Variants in PLCZ1 observed in about 807,000 individuals in gnomAD.
PLCZ1 encodes the protein 1-phosphatidylinositol 4,5-bisphosphate phosphodiesterase zeta-1.
PLCZ1 carries 64 observed loss-of-function variants against 76.8 expected under a neutral mutation model. The ratio of observed to expected loss-of-function variants is 0.83; its 90% confidence interval spans 0.68 to 1.03. The LOEUF (loss-of-function observed/expected upper bound fraction) is 1.03, where lower values mean the gene tolerates loss of function less well. Among genes scored for constraint, PLCZ1 ranks in the 50% least tolerant of loss-of-function variants. PLCZ1 has a pLI of 0.00. For synonymous variants in PLCZ1, 248 were observed against 230.8 expected (o/e 1.07, Z -0.68); for missense variants, 751 against 713.7 (o/e 1.05, Z -0.60).
intron 6 of PLCZ1, among the ~76,000 whole-genome samples, chr12:18,707,482 T>A (rs1592163068): frequency 6.6e-6 from 1 of 152,154 alleles, no homozygotes; most frequent in African/African-American, 2.4e-5. Context: ...CTGGCCACAT[T>A]GAAAGTGGAT....
At chr12:18,717,290 C>T (rs1958097623) in intron 5 of PLCZ1, among the ~76,000 whole-genome samples, 1 of 151,722 alleles carries the variant, frequency 6.6e-6, no homozygotes, top group Non-Finnish European at 1.5e-5. Flanking sequence ...GAAATTATAG[C>T]TATAAATTGG....
the PLCZ1 span, among the ~76,000 whole-genome samples, chr12:18,666,644 T>C: frequency 6.6e-6 from 1 of 152,106 alleles, no homozygotes; most frequent in Non-Finnish European, 1.5e-5. Context: ...CAACTTTCAA[T>C]AGGAAAAAGT....
chr12:18,671,143 C>T, the PLCZ1 span, among the ~76,000 whole-genome samples: 9 of 147,128 alleles, frequency 6.1e-5, no homozygotes, highest in East Asian at 1.8e-3. Context: ...GAGCCGAAAT[C>T]AGGCCATTGC....
At chr12:18,728,763 C>T (rs532003799) in intron 3 of PLCZ1, among the ~76,000 whole-genome samples, 4 of 152,144 alleles carry the variant, frequency 2.6e-5, no homozygotes, top group Middle Eastern at 3.4e-3. Flanking sequence ...GATCATTGAA[C>T]GAGTGGAGAA....
Position 18,683,392 on chromosome 12 carries a change from T to C in PLCZ1, c.1742-68A>G, listed in dbSNP as rs548724461. 19 of 1,536,312 alleles carry C rather than the reference T, an allele frequency of 1.2e-5. No homozygotes were observed. In the South Asian group the frequency reaches 2.1e-4, roughly 17 times the overall value. Reference sequence around the variant, plus strand: ...TCAGTGGTGTCTCCAATAGCCTTGCTGAGAAACAAGAGCTCTTTACTAAGC... The same window carrying C: ...TCAGTGGTGTCTCCAATAGCCTTGCCGAGAAACAAGAGCTCTTTACTAAGC... On this transcript the variant is annotated intron_variant, in intron 14 of 14. Transcript: ENST00000266505.
chr12:18,719,664 A>G, intron 4 of PLCZ1, 32 bp from the exon 5 acceptor site: 2 of 1,460,558 alleles, frequency 1.4e-6, no homozygotes, highest in Non-Finnish European at 1.9e-6. Flanking sequence ...AGTTAAAAGG[A>G]TGCAAAAATA....
chr12:18,665,166 A>T, the PLCZ1 span, among the ~76,000 whole-genome samples: 15,860 of 150,074 alleles, frequency 0.11, 1,055 homozygotes, highest in African/African-American at 0.19. Context: ...ATAATAATAA[A>T]AAATAAAAAA....
the PLCZ1 span, among the ~76,000 whole-genome samples, chr12:18,667,604 T>C: frequency 6.6e-6 from 1 of 152,194 alleles, no homozygotes; most frequent in Non-Finnish European, 1.5e-5. Context: ...GTCACCAATT[T>C]TCTGTAGTAG....
At chr12:18,690,449 T>C (rs1286187593) in intron 12 of PLCZ1, among the ~76,000 whole-genome samples, 2 of 152,232 alleles carry the variant, frequency 1.3e-5, no homozygotes, top group Admixed American at 1.3e-4. Flanking sequence ...GGTCTTGAAC[T>C]CTTGACCTCA....
At position 18,736,261 on chromosome 12, in the gene PLCZ1, T is replaced by C. The variant is rs1278380911; in HGVS notation, c.95A>G (p.Asp32Gly). The stretch of plus-strand genomic sequence containing the variant: ...CACATGAATATAACTGCACCGAATA[T>C]CTAATTTTTCAAGTAACCTCTGAGT... ...EKTQRLLEKL[D>G]IRCSYIHVKQ... The change falls in exon 3 of 15, where the codon GAT becomes GGT. Residue 32 changes from aspartate to glycine, a missense_variant. Transcript: ENST00000266505. The C allele has an allele frequency of 2.5e-6, 4 of 1,612,894 alleles. No individual in the cohort carries two copies. The highest frequency in any genetic ancestry group is 3.4e-6 in the Non-Finnish European group (4 of 1,179,276).
intron 3 of PLCZ1, among the ~76,000 whole-genome samples, chr12:18,725,137 A>G (rs957621514): frequency 2.0e-5 from 3 of 152,186 alleles, no homozygotes; most frequent in Non-Finnish European, 2.9e-5. Context: ...AATTACAGAA[A>G]AATGAAAACC....
In PLCZ1 at chr12:18,701,766, A is replaced by T; in HGVS notation, c.875T>A (p.Phe292Tyr). 1 of 1,602,178 alleles carries T rather than the reference A, an allele frequency of 6.2e-7. No homozygotes were observed. The highest frequency in any genetic ancestry group is 1.1e-5 in the South Asian group (1 of 89,360). The part of the protein sequence containing the change: ...DTLPSPEALK[F>Y]KILVKNKKIG... ...TTTCTTATTTTTAACTAATATTTTGAATTTTAGTGCCTAAGGAAACAATTT... is the reference window on the plus strand; with the variant it reads ...TTTCTTATTTTTAACTAATATTTTGTATTTTAGTGCCTAAGGAAACAATTT... The change falls in exon 8 of 15, where the codon TTC becomes TAC. Residue 292 changes from phenylalanine (F) to tyrosine (Y), a missense_variant. Coordinates refer to ENST00000266505, the MANE Select transcript of PLCZ1 (RefSeq NM_033123.4).
chr12:18,691,166 G>A, intron 12 of PLCZ1, among the ~76,000 whole-genome samples: 1 of 152,236 alleles, frequency 6.6e-6, no homozygotes, highest in Admixed American at 6.5e-5. Flanking sequence ...TTTAACGTTG[G>A]TCTGGATGTG....
At chr12:18,696,382 T>C (rs1368653604) in intron 10 of PLCZ1, 116 bp from the exon 11 acceptor site, 3 of 234,148 alleles carry the variant, frequency 1.3e-5, no homozygotes, top group African/African-American at 8.0e-5. Context: ...TCAACAATTT[T>C]GATATGTATT....
intron 12 of PLCZ1, among the ~76,000 whole-genome samples, chr12:18,691,415 A>G (rs1326835283): frequency 6.6e-6 from 1 of 152,162 alleles, no homozygotes; most frequent in Non-Finnish European, 1.5e-5. Context: ...AGACTTGAGC[A>G]TTGTTGGTGG....
chr12:18,716,872 C>T (rs183618228), intron 5 of PLCZ1, among the ~76,000 whole-genome samples: 1 of 152,154 alleles, frequency 6.6e-6, no homozygotes, highest in Admixed American at 6.5e-5. Context: ...TCTTTTGGTA[C>T]ATTAAGATAT....
At chr12:18,710,865 A>C (rs554035124) in intron 6 of PLCZ1, among the ~76,000 whole-genome samples, 51 of 152,316 alleles carry the variant, frequency 3.3e-4, no homozygotes, top group African/African-American at 1.2e-3. Context: ...AATGGCGATC[A>C]TTAAAAAGTC....
chr12:18,736,326 A>G lies in PLCZ1; in HGVS notation c.30T>C (p.Ile10=). Reference sequence around the variant, plus strand: ...TTTTTCCACCTCTGAAGTCATCCTGAATCTTTGACAAAAACCATGTAGAAG... The same window carrying G: ...TTTTTCCACCTCTGAAGTCATCCTGGATCTTTGACAAAAACCATGTAGAAG... The part of the protein sequence containing the change: MEMRWFLSK[I]QDDFRGGKIN... Residue 10 remains isoleucine (I), a synonymous_variant, in exon 3 of 15, where the codon ATT becomes ATC. Transcript: ENST00000266505. 1 of 1,612,336 alleles carries G rather than the reference A, an allele frequency of 6.2e-7. No individual in the cohort carries two copies. Among genetic ancestry groups the G allele is most frequent in the Non-Finnish European group, 8.5e-7 (1 of 1,179,288 alleles).
chr12:18,708,456 T>G (rs1956899387), intron 6 of PLCZ1, among the ~76,000 whole-genome samples: 1 of 152,236 alleles, frequency 6.6e-6, no homozygotes, highest in Non-Finnish European at 1.5e-5. Context: ...TTGTGAACAA[T>G]TCTACAGTGA....
Sources: allele counts gnomAD v4.1 joint callset (sites outside exome capture counted in the v4.1 genomes callset), GRCh38; gene constraint gnomAD v4.1.1; transcripts MANE v1.5; gene names NCBI Gene and HGNC (gene_info 2026-07-23, HGNC 2026-07-21).